ABHD2: variants seen among roughly 807,000 people sequenced by gnomAD.
The protein encoded by ABHD2 is monoacylglycerol lipase ABHD2.
ABHD2 carries 20 observed loss-of-function variants against 48.1 expected under a neutral mutation model. That is an observed-to-expected ratio of 0.42 (90% confidence interval 0.29 to 0.60). The LOEUF is 0.60. Among genes scored for constraint, ABHD2 ranks in the 20% least tolerant of loss-of-function variants. The probability of loss-of-function intolerance (pLI) is 0.24; values close to 1 mark genes in which losing one functional copy is unlikely to be tolerated. For missense variants in ABHD2, 405 were observed against 550.9 expected (o/e 0.74, Z 2.65); for synonymous variants, 209 against 214.2 (o/e 0.98, Z 0.21).
chr15:89,149,701 G>A (rs568418576), intron 3 of ABHD2, among the ~76,000 whole-genome samples: 3 of 152,372 alleles, frequency 2.0e-5, no homozygotes, highest in African/African-American at 7.2e-5. Flanking sequence ...GAGACAGCTT[G>A]AGCAAAGACT....
rs2049640291 is a variant in ABHD2, at chr15:89,097,948, T to C, written c.-107+9385T>C. 6.6e-6 allele frequency among the ~76,000 whole-genome samples: 1 copy of C among 152,228 alleles called. No homozygotes were observed. The highest frequency in any genetic ancestry group is 2.1e-4 in the South Asian group (1 of 4,832). The stretch of plus-strand genomic sequence containing the variant: ...CTCTGTCACGCAGGCTGGATTGCAG[T>C]GGCAGGATCTGGGCTCACTGCAGCC... On this transcript the variant is annotated intron_variant, in intron 1 of 10. Transcript: ENST00000352732. This position sits in a 1 kb window ranked among gnomAD's most constrained non-coding sequence, Gnocchi z 4.2.
chr15:89,142,307 T>C (rs1396332366), intron 3 of ABHD2, among the ~76,000 whole-genome samples: 1 of 152,264 alleles, frequency 6.6e-6, no homozygotes, highest in Non-Finnish European at 1.5e-5. Flanking sequence ...AATAGCAGTT[T>C]TATTTATTAT....
At chr15:89,060,608 C>T in the ABHD2 span, among the ~76,000 whole-genome samples, 21 of 151,826 alleles carry the variant, frequency 1.4e-4, no homozygotes, top group Admixed American at 3.9e-4. Flanking sequence ...ACACAGAAGC[C>T]TAGCACTTAA....
chr15:89,139,901 A>G (rs2050375683), intron 3 of ABHD2, among the ~76,000 whole-genome samples: 1 of 152,178 alleles, frequency 6.6e-6, no homozygotes, highest in African/African-American at 2.4e-5. Flanking sequence ...GAGTTTCAGC[A>G]CGCAGCCAGC....
the ABHD2 span, among the ~76,000 whole-genome samples, chr15:89,077,596 G>A: frequency 6.6e-6 from 1 of 152,106 alleles, no homozygotes; most frequent in Non-Finnish European, 1.5e-5. Context: ...TTCTTAATCT[G>A]TAAAACAGGC....
Position 89,116,448 on chromosome 15 carries a change from C to T in ABHD2, c.121C>T (p.Pro41Ser). Residue 41 changes from proline to serine, a missense_variant, in exon 3 of 11, where the codon CCA (proline) becomes TCA (serine). Pro to Ser is a moderately conservative substitution (Grantham distance 74). Coordinates refer to ENST00000352732, the MANE Select transcript of ABHD2 (RefSeq NM_152924.5). This position sits in a 1 kb window ranked among gnomAD's most constrained non-coding sequence, Gnocchi z 4.6. ...TTTGAACCTGAAGAGCCCCACAGCCCCACCTGACCTCTACTTCCAGGACTC... is the reference window on the plus strand; with the variant it reads ...TTTGAACCTGAAGAGCCCCACAGCCTCACCTGACCTCTACTTCCAGGACTC... ...RCLNLKSPTA[P>S]PDLYFQDSGL... 6.2e-7 allele frequency: 1 copy of T among 1,614,210 alleles called. No homozygotes were observed. The highest frequency in any genetic ancestry group is 8.5e-7 in the Non-Finnish European group (1 of 1,180,028).
chr15:89,135,439 A>C (rs935516535), intron 3 of ABHD2: 2 of 661,146 alleles, frequency 3.0e-6, no homozygotes, highest in Non-Finnish European at 5.3e-6. Flanking sequence ...GTTTAAAAAC[A>C]AATCTTACAC....
Position 89,116,093 on chromosome 15 carries a change from C to T in ABHD2, c.-6-229C>T, listed in dbSNP as rs1469574056. On this transcript the variant is annotated intron_variant, in intron 2 of 10. Transcript: ENST00000352732. This position sits in a 1 kb window ranked among gnomAD's most constrained non-coding sequence, Gnocchi z 4.6. ...CTTGTGAAATTATAAAAAGAAAACA[C>T]AGTACCCAGTTTATCCATGCTCAGA... Among the ~76,000 whole-genome samples, 2 of 152,204 alleles carry T rather than the reference C, an allele frequency of 1.3e-5. No homozygotes were observed. The highest frequency in any genetic ancestry group is 3.8e-4 in the East Asian group (2 of 5,204).
In ABHD2 at chr15:89,176,112, A is replaced by G. The variant is rs1391996845; in HGVS notation, c.722+117A>G. 4.4e-6 allele frequency: 5 copies of G among 1,129,280 alleles called. No individual in the cohort carries two copies. In the African/African-American group the frequency reaches 7.9e-5, roughly 18 times the overall value. The allele number at this position is 1,129,280 out of a possible 1,614,324, so 70.0% of individuals were successfully genotyped here. On this transcript the variant is annotated intron_variant, in intron 6 of 10. Coordinates refer to ENST00000352732, the MANE Select transcript of ABHD2 (RefSeq NM_152924.5). The surrounding 1 kb of genome is among the most constrained non-coding windows in gnomAD (Gnocchi z 4.5). ...GGAACACTGTGGCCGACTGAGTAGA[A>G]GTTTCTGAGTCTTGGACTCACCTTG...
chr15:89,172,287 C>T (rs2050942798), intron 5 of ABHD2, among the ~76,000 whole-genome samples: 1 of 152,174 alleles, frequency 6.6e-6, no homozygotes, highest in African/African-American at 2.4e-5. Context: ...TAAACAACAA[C>T]TCCCTAGCCC....
At position 89,182,503 on chromosome 15, in the gene ABHD2, A is replaced by G. The variant is rs1439545219; in HGVS notation, c.723-2921A>G. Among the ~76,000 whole-genome samples, 1 of 152,152 alleles carries G rather than the reference A, an allele frequency of 6.6e-6. No individual in the cohort carries two copies. Among genetic ancestry groups the G allele is most frequent in the Non-Finnish European group, 1.5e-5 (1 of 68,024 alleles). ...AGGCAAGTCAAGAACTTGGATATTC[A>G]GGCCAGGTGAAGTGCCTCACGCCTG... On this transcript the variant is annotated intron_variant, in intron 6 of 10. Coordinates refer to ENST00000352732, the MANE Select transcript of ABHD2 (RefSeq NM_152924.5). The surrounding 1 kb of genome is among the most constrained non-coding windows in gnomAD (Gnocchi z 4.8).
At chr15:89,121,121 G>A (rs2150824392) in intron 3 of ABHD2, among the ~76,000 whole-genome samples, 1 of 152,346 alleles carries the variant, frequency 6.6e-6, no homozygotes, top group South Asian at 2.1e-4. Flanking sequence ...CAGAGAAAGA[G>A]CTTTGAATTG....
At position 89,179,439 on chromosome 15, in the gene ABHD2, C is replaced by T. The variant is rs551443058; in HGVS notation, c.722+3444C>T. 2.0e-4 allele frequency among the ~76,000 whole-genome samples: 31 copies of T among 152,232 alleles called. No individual in the cohort carries two copies. The highest frequency in any genetic ancestry group is 6.3e-4 in the African/African-American group (26 of 41,544). On this transcript the variant is annotated intron_variant, in intron 6 of 10. Coordinates refer to ENST00000352732, the MANE Select transcript of ABHD2 (RefSeq NM_152924.5). This position sits in a 1 kb window ranked among gnomAD's most constrained non-coding sequence, Gnocchi z 4.3. ...GGAGGATGAACCTTATTGTGAACTG[C>T]GCATGTGAGGGATAGTTTGCATCTT...
the ABHD2 span, among the ~76,000 whole-genome samples, chr15:89,051,450 A>G: frequency 3.3e-4 from 51 of 152,300 alleles, no homozygotes; most frequent in South Asian, 0.01. Context: ...ACCGTAGCTC[A>G]GGCCTAAGGA....
chr15:89,044,411 A>G, the ABHD2 span, among the ~76,000 whole-genome samples: 16 of 152,160 alleles, frequency 1.1e-4, no homozygotes, highest in African/African-American at 1.2e-4. Context: ...TCCTTTGGGT[A>G]TATACCCAGT....
At position 89,175,672 on chromosome 15, in the gene ABHD2, G is replaced by T; in HGVS notation, c.539-140G>T. Reference sequence around the variant, plus strand: ...GTCTCTCTCTCCACACACATCCCCCGACACACACACGTATATATACACATA... The same window carrying T: ...GTCTCTCTCTCCACACACATCCCCCTACACACACACGTATATATACACATA... On this transcript the variant is annotated intron_variant, in intron 5 of 10. Coordinates refer to ENST00000352732, the MANE Select transcript of ABHD2 (RefSeq NM_152924.5). This position sits in a 1 kb window ranked among gnomAD's most constrained non-coding sequence, Gnocchi z 5.7. The T allele has an allele frequency of 1.1e-6, 1 of 869,648 alleles. No homozygotes were observed. The allele number at this position is 869,648 out of a possible 1,614,324, so 53.9% of individuals were successfully genotyped here.
chr15:89,086,295 G>T (rs917804715), upstream of ABHD2, among the ~76,000 whole-genome samples: 1 of 152,130 alleles, frequency 6.6e-6, no homozygotes, highest in Non-Finnish European at 1.5e-5. Flanking sequence ...CCAAAGTGCT[G>T]GGATTACAGG....
Position 89,195,090 on chromosome 15 carries a change from A to G in ABHD2, c.1082-137A>G, listed in dbSNP as rs1471525835. The G allele has an allele frequency of 3.3e-6, 3 of 901,380 alleles. No individual in the cohort carries two copies. In the African/African-American group the frequency reaches 5.0e-5, roughly 15 times the overall value. 55.8% of individuals were successfully genotyped at this position (901,380 alleles called of 1,614,324 possible). ...CTGCCCCCTCTTTGGTGAACAAGGC[A>G]GAGTGAGTAGAGGTTGGATGCCCAC... On this transcript the variant is annotated intron_variant, in intron 10 of 10. Coordinates refer to ENST00000352732, the MANE Select transcript of ABHD2 (RefSeq NM_152924.5). The surrounding 1 kb of genome is among the most constrained non-coding windows in gnomAD (Gnocchi z 5.1).
chr15:89,065,985 C>T, the ABHD2 span, among the ~76,000 whole-genome samples: 6 of 152,144 alleles, frequency 3.9e-5, no homozygotes, highest in East Asian at 7.7e-4. Flanking sequence ...TAAGGAAACT[C>T]GGGTTCAATC....
Sources: allele counts gnomAD v4.1 joint callset (sites outside exome capture counted in the v4.1 genomes callset), GRCh38; gene constraint gnomAD v4.1.1; non-coding constraint Gnocchi (gnomAD v3.1); transcripts MANE v1.5; gene names NCBI Gene and HGNC (gene_info 2026-07-23, HGNC 2026-07-21).